The following ETS2 variants were observed in gnomAD, a reference collection of about 807,000 sequenced individuals.
ETS2 encodes the protein protein C-ets-2.
ETS2 carries 19 observed loss-of-function variants against 54.9 expected under a neutral mutation model. The ratio of observed to expected loss-of-function variants is 0.35; its 90% CI spans 0.24 to 0.51. ETS2 has a LOEUF of 0.51. Ranked by LOEUF, ETS2 falls within the 20% of genes least tolerant of loss-of-function variation. The probability of loss-of-function intolerance (pLI) is 0.97; values close to 1 mark genes in which losing one functional copy is unlikely to be tolerated. For missense variants in ETS2, 417 were observed against 593.0 expected (o/e 0.70, Z 3.08); for synonymous variants, 219 against 229.3 (o/e 0.95, Z 0.41).
chr21:38,821,839 C>T lies in ETS2; in HGVS notation c.1194+135C>T. 2 of 684,836 alleles carry T rather than the reference C, an allele frequency of 2.9e-6. No individual in the cohort carries two copies. Among genetic ancestry groups the T allele is most frequent in the Non-Finnish European group, 5.2e-6 (2 of 384,212 alleles). The allele number at this position is 684,836 out of a possible 1,614,324, so 42.4% of individuals were successfully genotyped here. ...ATCTTTCCACGTGAGGCATCCTTGGCTGTTGGGAAAATGGAAGTGGAGTCA... is the reference window on the plus strand; with the variant it reads ...ATCTTTCCACGTGAGGCATCCTTGGTTGTTGGGAAAATGGAAGTGGAGTCA... On this transcript the variant is annotated intron_variant, in intron 9 of 9. Coordinates refer to ENST00000360938, the MANE Select transcript of ETS2 (RefSeq NM_005239.6). This position sits in a 1 kb window ranked among gnomAD's most constrained non-coding sequence, Gnocchi z 4.2.
chr21:38,822,365 A>C (rs1206513202), intron 9 of ETS2, among the ~76,000 whole-genome samples: 1 of 152,154 alleles, frequency 6.6e-6, no homozygotes, highest in Non-Finnish European at 1.5e-5. Context: ...GGTGGGTGAC[A>C]CCACCTTTCC....
In ETS2 at chr21:38,817,020, A is replaced by G; in HGVS notation, c.518A>G (p.Lys173Arg). Reference sequence around the variant, plus strand: ...GTCTGCTTTTCAGAAAACCAAGAAAAGACAGAAGATCAATATGAAGAAAAT... The same window carrying G: ...GTCTGCTTTTCAGAAAACCAAGAAAGGACAGAAGATCAATATGAAGAAAAT... Reference protein sequence around the residue: ...LEQMIKENQEKTEDQYEENSH... With the variant: ...LEQMIKENQERTEDQYEENSH... The change falls in exon 6 of 10, where the codon AAG (lysine) becomes AGG (arginine). Residue 173 changes from lysine to arginine, a missense_variant. By Grantham distance (26) the Lys-to-Arg change is conservative. Transcript: ENST00000360938. 1.2e-6 allele frequency: 2 copies of G among 1,610,524 alleles called. No homozygotes were observed. Among genetic ancestry groups the G allele is most frequent in the South Asian group, 1.1e-5 (1 of 91,010 alleles).
rs2060923140 is a variant in ETS2 at position 38,814,029 on chromosome 21, T to A, written c.185-244T>A. Among the ~76,000 whole-genome samples the A allele has an allele frequency of 6.6e-6, 1 of 152,256 alleles. No homozygotes were observed. Among genetic ancestry groups the A allele is most frequent in the Non-Finnish European group, 1.5e-5 (1 of 68,050 alleles). On this transcript the variant is annotated intron_variant, in intron 3 of 9. Coordinates refer to ENST00000360938, the MANE Select transcript of ETS2 (RefSeq NM_005239.6). This position sits in a 1 kb window ranked among gnomAD's most constrained non-coding sequence, Gnocchi z 4.2. ...CCTACGCACAACTGCTTTGTGACGC[T>A]TTGCAAAATAGAATCAAATCTGAGT...
intron 5 of ETS2, 82 bp from the exon 6 acceptor site, chr21:38,816,926 C>T: frequency 1.3e-6 from 1 of 778,814 alleles, no homozygotes; most frequent in Admixed American, 1.9e-5. Context: ...ATTATCATCT[C>T]ACAGGAATTC....
chr21:38,816,432 T>C (rs1258634816), intron 5 of ETS2, among the ~76,000 whole-genome samples: 1 of 152,172 alleles, frequency 6.6e-6, no homozygotes, highest in Admixed American at 6.5e-5. Context: ...TGTGAGTTTG[T>C]GTGTATTTGG....
Position 38,814,930 on chromosome 21 carries a change from C to T in ETS2, c.454C>T (p.Pro152Ser). Reference sequence around the variant, plus strand: ...CAAGGAACGCTTTCTGGAGCTGGCACCTGACTTTGTGGGTGACATTCTCTG... The same window carrying T: ...CAAGGAACGCTTTCTGGAGCTGGCATCTGACTTTGTGGGTGACATTCTCTG... Reference protein sequence around the residue: ...LGKERFLELAPDFVGDILWEH... With the variant: ...LGKERFLELASDFVGDILWEH... Residue 152 changes from proline to serine, a missense_variant, in exon 5 of 10, where the codon CCT becomes TCT. Around this residue, in one of 3 missense-constraint regions of ETS2, gnomAD observed 326 missense variants for 426.1 expected, o/e 0.76. Transcript: ENST00000360938. The surrounding 1 kb of genome is among the most constrained non-coding windows in gnomAD (Gnocchi z 4.2). 6.2e-7 allele frequency: 1 copy of T among 1,614,172 alleles called. No homozygotes were observed. The highest frequency in any genetic ancestry group is 8.5e-7 in the Non-Finnish European group (1 of 1,180,038).
chr21:38,814,687 C>A lies in ETS2; in HGVS notation c.305-94C>A. 8.8e-7 allele frequency: 1 copy of A among 1,141,502 alleles called. No homozygotes were observed. The highest frequency in any genetic ancestry group is 1.3e-6 in the Non-Finnish European group (1 of 772,526). The allele number at this position is 1,141,502 out of a possible 1,614,324, so 70.7% of individuals were successfully genotyped here. On this transcript the variant is annotated intron_variant, in intron 4 of 9. Transcript: ENST00000360938. The surrounding 1 kb of genome is among the most constrained non-coding windows in gnomAD (Gnocchi z 4.2). ...CTCATTCGTGGGTTCTGGTGTATGT[C>A]GGTACTTGGTGCATAAATTAGGGAT...
In ETS2 at chr21:38,814,629, G is replaced by A; in HGVS notation, c.305-152G>A. On this transcript the variant is annotated intron_variant, in intron 4 of 9. Transcript: ENST00000360938. The surrounding 1 kb of genome is among the most constrained non-coding windows in gnomAD (Gnocchi z 4.2). The stretch of plus-strand genomic sequence containing the variant: ...GTGTCTTGAAATGTGCCTGGGTCGT[G>A]TCAGAATGGTGACGTGTCATCATGG... 1 of 789,936 alleles carries A rather than the reference G, an allele frequency of 1.3e-6. No individual in the cohort carries two copies. The allele number at this position is 789,936 out of a possible 1,614,324, so 48.9% of individuals were successfully genotyped here. A position where few individuals can be genotyped will look rare whatever the true frequency, so the allele number is the denominator to read the frequency against.
upstream of ETS2, chr21:38,805,687 T>C (rs1384064933): frequency 2.6e-6 from 3 of 1,161,294 alleles, no homozygotes; most frequent in African/African-American, 4.9e-5. The surrounding 1 kb of genome is among the most constrained non-coding windows in gnomAD (Gnocchi z 5.2). Flanking sequence ...TCTCCCCTCG[T>C]GCGTTCCCTC....
chr21:38,815,107 C>T, intron 5 of ETS2, 126 bp downstream of exon 5: 2 of 808,504 alleles, frequency 2.5e-6, no homozygotes, highest in South Asian at 1.6e-5. Flanking sequence ...GAGTACCTTG[C>T]CTCAAAATGC....
chr21:38,812,287 T>G (rs1329630439), intron 2 of ETS2, among the ~76,000 whole-genome samples: 1 of 152,242 alleles, frequency 6.6e-6, no homozygotes, highest in Non-Finnish European at 1.5e-5. Context: ...AGGGTCATTT[T>G]TCTTACACAC....
intron 6 of ETS2, among the ~76,000 whole-genome samples, chr21:38,817,922 A>G (rs1488343044): frequency 2.0e-5 from 3 of 152,192 alleles, no homozygotes; most frequent in Non-Finnish European, 2.9e-5. Context: ...CTGAACCTGA[A>G]TCAGAGTCAG....
At chr21:38,805,923 C>A (rs1316843646), upstream of ETS2, 4 of 1,248,482 alleles carry the variant, frequency 3.2e-6, no homozygotes, top group East Asian at 6.8e-5. This position sits in a 1 kb window ranked among gnomAD's most constrained non-coding sequence, Gnocchi z 5.2. Flanking sequence ...GCGTGGGGGA[C>A]GGCCCGGTTA....
chr21:38,812,552 G>A (rs891439876), intron 2 of ETS2, among the ~76,000 whole-genome samples: 2 of 152,204 alleles, frequency 1.3e-5, no homozygotes, highest in African/African-American at 2.4e-5. Flanking sequence ...AGGCCAAGGC[G>A]GGTGGATTAC....
chr21:38,821,830 C>T lies in ETS2; in HGVS notation c.1194+126C>T. ...CTGCTGAGAATCTTTCCACGTGAGG[C>T]ATCCTTGGCTGTTGGGAAAATGGAA... On this transcript the variant is annotated intron_variant, in intron 9 of 9. Transcript: ENST00000360938. This position sits in a 1 kb window ranked among gnomAD's most constrained non-coding sequence, Gnocchi z 4.2. 1 of 697,336 alleles carries T rather than the reference C, an allele frequency of 1.4e-6. No individual in the cohort carries two copies. The highest frequency in any genetic ancestry group is 1.7e-5 in the South Asian group (1 of 59,430). 43.2% of individuals were successfully genotyped at this position (697,336 alleles called of 1,614,324 possible).
chr21:38,808,125 T>A (rs1384675020), intron 1 of ETS2, among the ~76,000 whole-genome samples: 2 of 152,128 alleles, frequency 1.3e-5, no homozygotes, highest in African/African-American at 2.4e-5. Flanking sequence ...CATACTCAAC[T>A]GGGGTTTGAT....
intron 1 of ETS2, among the ~76,000 whole-genome samples, chr21:38,807,786 A>C (rs1220513024): frequency 2.0e-5 from 3 of 152,218 alleles, no homozygotes; most frequent in Non-Finnish European, 4.4e-5. Context: ...AGAAGCTGAA[A>C]AACAGAATCA....
chr21:38,818,784 C>T, intron 7 of ETS2, 138 bp downstream of exon 7: 2 of 998,088 alleles, frequency 2.0e-6, no homozygotes. Context: ...AAGTGGATTT[C>T]CAACAAGCAT....
Position 38,806,467 on chromosome 21 carries a change from A to AG in ETS2, c.-1+352dup. 2 of 985,336 alleles carry AG rather than the reference A, an allele frequency of 2.0e-6. No individual in the cohort carries two copies. The highest frequency in any genetic ancestry group is 2.4e-6 in the Non-Finnish European group (2 of 829,978). 61.0% of individuals were successfully genotyped at this position (985,336 alleles called of 1,614,324 possible). On this transcript the variant is annotated intron_variant, in intron 1 of 9. Transcript: ENST00000360938. This position sits in a 1 kb window ranked among gnomAD's most constrained non-coding sequence, Gnocchi z 4.3. ...TTTTAAAAGGAAACGCAGGCCTGGT[A>AG]GGGGGTCCTGCCCAGTGGATGTCCC...
Sources: allele counts gnomAD v4.1 joint callset (sites outside exome capture counted in the v4.1 genomes callset), GRCh38; gene constraint gnomAD v4.1.1; regional missense constraint gnomAD v4.1.1; non-coding constraint Gnocchi (gnomAD v3.1); transcripts MANE v1.5; gene names NCBI Gene and HGNC (gene_info 2026-07-23, HGNC 2026-07-21).